Variants in PLAGL1 observed in about 807,000 individuals in gnomAD.
PLAGL1 encodes the protein PLAG1 like zinc finger 1.
Under a neutral mutation model 4.6 loss-of-function variants are expected in PLAGL1, and 1 was observed. That is an observed-to-expected ratio of 0.22 (90% CI 0.08 to 1.03). PLAGL1 has a LOEUF of 1.03. PLAGL1 is among the 50% of genes least tolerant of loss of function. The probability of loss-of-function intolerance (pLI) is 0.58; values close to 1 mark genes in which losing one functional copy is unlikely to be tolerated. For synonymous variants in PLAGL1, 240 were observed against 237.8 expected (o/e 1.01, Z -0.08); for missense variants, 464 against 570.4 (o/e 0.81, Z 1.90).
chr6:144,046,875 T>C (rs933583680), intron 1 of PLAGL1, among the ~76,000 whole-genome samples: 2 of 152,150 alleles, frequency 1.3e-5, no homozygotes, highest in African/African-American at 4.8e-5. Flanking sequence ...CCTGGACACT[T>C]TGCTTACCTA....
chr6:143,944,273 T>G (rs1779275363), intron 7 of PLAGL1, among the ~76,000 whole-genome samples: 2 of 152,160 alleles, frequency 1.3e-5, no homozygotes, highest in African/African-American at 4.8e-5. Flanking sequence ...ATACTGTTTA[T>G]TCCTGCCCCT....
chr6:144,058,292 C>G (rs1180936661), intron 1 of PLAGL1, among the ~76,000 whole-genome samples: 1 of 152,144 alleles, frequency 6.6e-6, no homozygotes, highest in Non-Finnish European at 1.5e-5. Context: ...CTTGGGTGAG[C>G]TCACTCATCA....
At chr6:143,946,740 G>A (rs1467879889) in intron 7 of PLAGL1, among the ~76,000 whole-genome samples, 5 of 152,196 alleles carry the variant, frequency 3.3e-5, no homozygotes, top group African/African-American at 9.7e-5. Context: ...GCTAAAGCCT[G>A]GCTCTCTCCA....
At chr6:144,049,823 T>C (rs1393386800) in intron 1 of PLAGL1, among the ~76,000 whole-genome samples, 2 of 152,214 alleles carry the variant, frequency 1.3e-5, no homozygotes, top group African/African-American at 4.8e-5. Context: ...GGAGGTTTGA[T>C]AACTGTGTGA....
rs113794046 is a variant in PLAGL1, at chr6:144,053,026, C to A, written c.-151+11442G>T. On this transcript the variant is annotated intron_variant, in intron 1 of 3. Transcript: ENST00000437412. The surrounding 1 kb of genome is among the most constrained non-coding windows in gnomAD (Gnocchi z 4.0). Reference sequence around the variant, plus strand: ...AATACTATATTTTTTCAGGTTAGCACCAATACTTGTAAATGCTTTGATAAA... The same window carrying A: ...AATACTATATTTTTTCAGGTTAGCAACAATACTTGTAAATGCTTTGATAAA... 0.03 allele frequency among the ~76,000 whole-genome samples: 4,502 copies of A among 152,178 alleles called. 224 individuals carry two copies. The highest frequency in any genetic ancestry group is 0.1 in the African/African-American group (4,200 of 41,484).
chr6:143,988,717 C>A (rs984387085), intron 1 of PLAGL1, among the ~76,000 whole-genome samples: 10 of 152,274 alleles, frequency 6.6e-5, no homozygotes, highest in African/African-American at 2.4e-4. Flanking sequence ...CCAGCATGGG[C>A]AGGTTTTGGT....
intron 1 of PLAGL1, among the ~76,000 whole-genome samples, chr6:144,060,974 A>G (rs576603847): frequency 1.3e-5 from 2 of 152,376 alleles, no homozygotes; most frequent in South Asian, 4.1e-4. Context: ...AAGCTCTCCC[A>G]TATATGACTT....
intron 1 of PLAGL1, among the ~76,000 whole-genome samples, chr6:143,999,152 C>T (rs1329949981): frequency 6.6e-6 from 1 of 152,032 alleles, no homozygotes; most frequent in Non-Finnish European, 1.5e-5. Flanking sequence ...TTAGAAAGTT[C>T]AAATTTTTTT....
At chr6:143,980,882 T>C (rs1787787129) in intron 2 of PLAGL1, among the ~76,000 whole-genome samples, 1 of 152,234 alleles carries the variant, frequency 6.6e-6, no homozygotes. Context: ...TCAAACCAAG[T>C]GTCTGCAAAC....
rs1490006882 is a variant in PLAGL1 at position 143,941,306 on chromosome 6, T to C, written c.*118A>G. 1.4e-6 allele frequency: 1 copy of C among 707,694 alleles called. No homozygotes were observed. The highest frequency in any genetic ancestry group is 3.4e-5 in the Admixed American group (1 of 29,686). The allele number at this position is 707,694 out of a possible 1,614,324, so 43.8% of individuals were successfully genotyped here. A position where few individuals can be genotyped will look rare whatever the true frequency, so the allele number is the denominator to read the frequency against. On this transcript the variant is annotated 3_prime_UTR_variant, in exon 8 of 8. Coordinates refer to ENST00000674357, the MANE Select transcript of PLAGL1 (RefSeq NM_001317162.2). The surrounding 1 kb of genome is among the most constrained non-coding windows in gnomAD (Gnocchi z 6.0). ...TTCTCTTATCATCTCAAGCCAGTCA[T>C]CACTGAATAAGCCATAGTCCCAGTC... is the stretch of plus-strand genomic sequence containing the variant.
Position 143,972,093 on chromosome 6 carries a change from A to G in PLAGL1, c.-543-3115T>C, listed in dbSNP as rs1351795442. 6.6e-6 allele frequency among the ~76,000 whole-genome samples: 1 copy of G among 152,256 alleles called. No homozygotes were observed. Among genetic ancestry groups the G allele is most frequent in the African/African-American group, 2.4e-5 (1 of 41,472 alleles). On this transcript the variant is annotated intron_variant, in intron 2 of 7. Transcript: ENST00000674357. The surrounding 1 kb of genome is among the most constrained non-coding windows in gnomAD (Gnocchi z 6.8). ...GCAACAATCAGGTAACAGCAGACCA[A>G]TCAGGTTCTCCCAAAATTTAGTATT...
rs1778805692 is a variant in PLAGL1 at position 143,942,300 on chromosome 6, T to A, written c.516A>T (p.Arg172=). The A allele has an allele frequency of 1.2e-6, 2 of 1,613,952 alleles. No homozygotes were observed. Among genetic ancestry groups the A allele is most frequent in the East Asian group, 4.5e-5 (2 of 44,870 alleles). The change falls in exon 8 of 8, where the codon CGA becomes CGT. Residue 172 remains arginine (R), a synonymous_variant. Transcript: ENST00000674357. The surrounding 1 kb of genome is among the most constrained non-coding windows in gnomAD (Gnocchi z 7.6). ...ATCCTGTGTGGACCACCAGGTGGCG[T>A]CGCACATCCTTCCGGGTGTAGAAGC... The part of the protein sequence containing the change: ...ERCFYTRKDV[R]RHLVVHTGCK...
At chr6:144,044,906 G>C (rs1409032787) in intron 1 of PLAGL1, among the ~76,000 whole-genome samples, 1 of 150,946 alleles carries the variant, frequency 6.6e-6, no homozygotes, top group Non-Finnish European at 1.5e-5. Flanking sequence ...TTGTTGAATT[G>C]ATCACTTTAC....
Position 144,038,662 on chromosome 6 carries a change from G to T in PLAGL1, c.-151+25806C>A, listed in dbSNP as rs112302683. Among the ~76,000 whole-genome samples, 779 of 152,236 alleles carry T rather than the reference G, an allele frequency of 5.1e-3. 3 individuals are homozygous for T. The highest frequency in any genetic ancestry group is 0.018 in the African/African-American group (739 of 41,540). The stretch of plus-strand genomic sequence containing the variant: ...ATATTTGGAAATAAAAATAAATGAA[G>T]TACTGATACATGCTACAACATGGGT... On this transcript the variant is annotated intron_variant, in intron 1 of 3. Coordinates refer to the PLAGL1 transcript ENST00000437412.
intron 1 of PLAGL1, among the ~76,000 whole-genome samples, chr6:144,024,008 C>T (rs542709589): frequency 7.2e-5 from 11 of 152,136 alleles, no homozygotes; most frequent in African/African-American, 2.6e-4. Context: ...AACCCCTGGC[C>T]TCAAGCAATT....
rs1204900100 is a variant in PLAGL1, at chr6:143,997,786, A to T, written c.-584+10304T>A. Among the ~76,000 whole-genome samples, 1 of 151,534 alleles carries T rather than the reference A, an allele frequency of 6.6e-6. No individual in the cohort carries two copies. The highest frequency in any genetic ancestry group is 1.5e-5 in the Non-Finnish European group (1 of 68,024). Reference sequence around the variant, plus strand: ...TAGGGGAGGTGTTGACCAGGAGGTAAATGAGAGAATTTTATCCTCGATGGA... The same window carrying T: ...TAGGGGAGGTGTTGACCAGGAGGTATATGAGAGAATTTTATCCTCGATGGA... On this transcript the variant is annotated intron_variant, in intron 1 of 7. Coordinates refer to ENST00000674357, the MANE Select transcript of PLAGL1 (RefSeq NM_001317162.2). This position sits in a 1 kb window ranked among gnomAD's most constrained non-coding sequence, Gnocchi z 4.6.
At chr6:144,021,369 T>C (rs542613127) in intron 1 of PLAGL1, among the ~76,000 whole-genome samples, 16 of 152,332 alleles carry the variant, frequency 1.1e-4, no homozygotes, top group East Asian at 3.9e-4. Flanking sequence ...TTTTTCAAAA[T>C]TATTCCATCT....
chr6:144,025,629 C>A (rs1323032593), intron 1 of PLAGL1, among the ~76,000 whole-genome samples: 3 of 152,158 alleles, frequency 2.0e-5, no homozygotes, highest in Admixed American at 6.5e-5. Context: ...GTGGCTCACA[C>A]CTGTAATCCT....
At position 143,964,769 on chromosome 6, in the gene PLAGL1, A is replaced by AT. The variant is rs1330182246; in HGVS notation, c.-399+17dup. 3 of 152,292 alleles carry AT rather than the reference A, an allele frequency of 2.0e-5. No individual in the cohort carries two copies. The highest frequency in any genetic ancestry group is 4.4e-5 in the Non-Finnish European group (3 of 68,092). 9.4% of individuals were successfully genotyped at this position (152,292 alleles called of 1,614,324 possible). Reference sequence around the variant, plus strand: ...GAAGGAAGGAAGGAAACAAGGGCAGATGTTAGAGTATACTCACAAGATTAA... The same window carrying AT: ...GAAGGAAGGAAGGAAACAAGGGCAGATTGTTAGAGTATACTCACAAGATTAA... On this transcript the variant is annotated intron_variant, in intron 5 of 7. Coordinates refer to ENST00000674357, the MANE Select transcript of PLAGL1 (RefSeq NM_001317162.2). The surrounding 1 kb of genome is among the most constrained non-coding windows in gnomAD (Gnocchi z 4.3).
Sources: gnomAD v4.1 joint callset for allele counts (sites outside exome capture counted in the v4.1 genomes callset) on GRCh38, gnomAD v4.1.1 for gene constraint, Gnocchi (gnomAD v3.1) non-coding constraint, MANE v1.5 for transcripts, NCBI Gene and HGNC (gene_info 2026-07-23, HGNC 2026-07-21) for gene names.